Variants in ATXN1 observed in about 807,000 individuals in gnomAD.
ATXN1 encodes ataxin 1.
A neutral mutation model predicts 56.4 loss-of-function variants in ATXN1; 8 were observed. That is an observed-to-expected ratio of 0.14 (90% CI 0.08 to 0.26). The LOEUF is 0.26. Ranked by LOEUF, ATXN1 falls within the 10% of genes least tolerant of loss-of-function variation. ATXN1 has a pLI of 1.00. For missense variants in ATXN1, 987 were observed against 1,106.5 expected (o/e 0.89, Z 1.53); for synonymous variants, 514 against 494.6 (o/e 1.04, Z -0.52).
intron 3 of ATXN1, among the ~76,000 whole-genome samples, chr6:16,645,966 T>A (rs1366726943): frequency 2.0e-5 from 3 of 151,954 alleles, no homozygotes; most frequent in Non-Finnish European, 1.5e-5. Context: ...ATGCCCATAA[T>A]CCCAGCACTC....
intron 7 of ATXN1, among the ~76,000 whole-genome samples, chr6:16,318,228 T>C (rs1035651261): frequency 6.6e-6 from 1 of 152,220 alleles, no homozygotes; most frequent in African/African-American, 2.4e-5. Flanking sequence ...TTTTCACAAA[T>C]TGCGAAGGGC....
intron 2 of ATXN1, among the ~76,000 whole-genome samples, chr6:16,710,788 A>G (rs1215344088): frequency 1.3e-5 from 2 of 151,872 alleles, no homozygotes; most frequent in African/African-American, 2.4e-5. Context: ...GGGTTTTGCT[A>G]TGCTGCCCAG....
intron 3 of ATXN1, among the ~76,000 whole-genome samples, chr6:16,618,795 C>T (rs1763267504): frequency 6.7e-6 from 1 of 149,168 alleles, no homozygotes; most frequent in African/African-American, 2.5e-5. Flanking sequence ...TATTAATATG[C>T]TTGACTACAC....
At chr6:16,754,309 C>G (rs976119395) in intron 1 of ATXN1, among the ~76,000 whole-genome samples, 1 of 152,192 alleles carries the variant, frequency 6.6e-6, no homozygotes, top group East Asian at 1.9e-4. Context: ...TGGAGCTGAT[C>G]TGCACATTTG....
At chr6:16,591,350 A>T (rs1762719434) in intron 3 of ATXN1, among the ~76,000 whole-genome samples, 1 of 152,210 alleles carries the variant, frequency 6.6e-6, no homozygotes, top group Non-Finnish European at 1.5e-5. Context: ...GTTTACCCTA[A>T]GTATATGGTT....
intron 2 of ATXN1, among the ~76,000 whole-genome samples, chr6:16,670,170 C>A (rs1391894025): frequency 6.6e-6 from 1 of 152,084 alleles, no homozygotes; most frequent in Non-Finnish European, 1.5e-5. Flanking sequence ...CAGCAGGGAC[C>A]AAATCCTATC....
At chr6:16,645,147 G>A (rs970236090) in intron 3 of ATXN1, among the ~76,000 whole-genome samples, 10 of 152,158 alleles carry the variant, frequency 6.6e-5, no homozygotes, top group African/African-American at 2.4e-4. Flanking sequence ...GATAATAAAC[G>A]TGGGTTCCAC....
intron 5 of ATXN1, among the ~76,000 whole-genome samples, chr6:16,516,429 C>T (rs981407873): frequency 2.6e-5 from 4 of 152,118 alleles, no homozygotes; most frequent in African/African-American, 9.7e-5. Flanking sequence ...CCCTTCTAGG[C>T]CAAAGCTTTG....
At chr6:16,645,425 G>C (rs545329254) in intron 3 of ATXN1, among the ~76,000 whole-genome samples, 14 of 152,274 alleles carry the variant, frequency 9.2e-5, no homozygotes, top group South Asian at 2.1e-4. Context: ...GGTCCTTGTG[G>C]GGCTTTCGTT....
Position 16,519,329 on chromosome 6 carries a change from G to A in ATXN1, c.-299+3298C>T, listed in dbSNP as rs546812649. Among the ~76,000 whole-genome samples the A allele has an allele frequency of 2.0e-4, 31 of 152,282 alleles. 1 individual carries two copies. Among genetic ancestry groups the A allele is most frequent in the South Asian group, 8.3e-4 (4 of 4,830 alleles). ...AGTTCAGAGGGGAAAAAAAGTATCC[G>A]TTGGAACTAAGAGTTCTTACAATTC... On this transcript the variant is annotated intron_variant, in intron 5 of 7. Coordinates refer to ENST00000436367, the MANE Select transcript of ATXN1 (RefSeq NM_001128164.2).
At chr6:16,604,342 C>A (rs200728567) in intron 3 of ATXN1, among the ~76,000 whole-genome samples, 3,207 of 91,576 alleles carry the variant, frequency 0.035, 78 homozygotes, top group African/African-American at 0.079. Flanking sequence ...AAAAAAAAAA[C>A]AAAAATTATC....
Position 16,372,570 on chromosome 6 carries a change from T to C in ATXN1, c.-160-44100A>G, listed in dbSNP as rs539737972. On this transcript the variant is annotated intron_variant, in intron 6 of 7. Transcript: ENST00000436367. ...TTCTGAAATGCCAAGGGCCCACATA[T>C]ACAACCAGTTGACACCTTTATAGTA... is the stretch of plus-strand genomic sequence containing the variant. 2.6e-5 allele frequency among the ~76,000 whole-genome samples: 4 copies of C among 152,298 alleles called. No homozygotes were observed. The East Asian group carries it at 7.7e-4, about 29-fold the overall frequency.
intron 3 of ATXN1, among the ~76,000 whole-genome samples, chr6:16,640,036 T>G (rs1344151166): frequency 2.0e-5 from 3 of 152,194 alleles, no homozygotes; most frequent in African/African-American, 7.2e-5. Context: ...TTATTGCATT[T>G]CACTTTGTTG....
chr6:16,571,454 G>T (rs930325815), intron 4 of ATXN1, among the ~76,000 whole-genome samples: 19 of 152,122 alleles, frequency 1.2e-4, no homozygotes, highest in African/African-American at 4.3e-4. Flanking sequence ...TCCAATGTCC[G>T]CTCTACAAAA....
chr6:16,560,800 A>G (rs1277311645), intron 4 of ATXN1, among the ~76,000 whole-genome samples: 2 of 152,200 alleles, frequency 1.3e-5, no homozygotes, highest in African/African-American at 4.8e-5. Context: ...TCCCCCAATT[A>G]TGACCATTTT....
At chr6:16,667,406 T>C (rs1332861433) in intron 2 of ATXN1, 2 of 152,218 alleles carry the variant, frequency 1.3e-5, no homozygotes, top group African/African-American at 4.8e-5. Context: ...TCCTAAAATA[T>C]GTACGTGTCG....
chr6:16,731,412 T>C (rs1759974362), intron 2 of ATXN1, among the ~76,000 whole-genome samples: 1 of 146,922 alleles, frequency 6.8e-6, no homozygotes, highest in African/African-American at 2.5e-5. Context: ...CACAAGCATG[T>C]GCAGATTAGA....
chr6:16,447,840 T>G (rs1759666318), intron 6 of ATXN1, among the ~76,000 whole-genome samples: 1 of 152,250 alleles, frequency 6.6e-6, no homozygotes, highest in Non-Finnish European at 1.5e-5. Context: ...ACCAACGGGC[T>G]TCAGAGCATC....
intron 4 of ATXN1, among the ~76,000 whole-genome samples, chr6:16,526,627 T>C (rs1761399110): frequency 6.6e-6 from 1 of 151,964 alleles, no homozygotes; most frequent in Non-Finnish European, 1.5e-5. Context: ...TAGCTGGGCT[T>C]GGTGGCAGGT....
Sources: gnomAD v4.1 joint callset for allele counts (sites outside exome capture counted in the v4.1 genomes callset) on GRCh38, gnomAD v4.1.1 for gene constraint, MANE v1.5 for transcripts, NCBI Gene and HGNC (gene_info 2026-07-23, HGNC 2026-07-21) for gene names.